SLCO5A1: variants seen among roughly 807,000 people sequenced by gnomAD.
SLCO5A1 encodes solute carrier organic anion transporter family member 5A1.
SLCO5A1 carries 39 observed loss-of-function variants against 65.1 expected under a neutral mutation model. That is an observed-to-expected ratio of 0.60 (90% CI 0.46 to 0.78). SLCO5A1 has a LOEUF of 0.78. Among genes scored for constraint, SLCO5A1 ranks in the 30% least tolerant of loss-of-function variants. The probability of loss-of-function intolerance (pLI) is 0.00; values close to 1 mark genes in which losing one functional copy is unlikely to be tolerated. For synonymous variants in SLCO5A1, 438 were observed against 415.7 expected, an observed-to-expected ratio of 1.05 and a Z score of -0.65; for missense variants, 1,029 against 1,069.4, an observed-to-expected ratio of 0.96 and a Z score of 0.53.
At chr8:69,758,469 C>T (rs917393366) in intron 3 of SLCO5A1, among the ~76,000 whole-genome samples, 12 of 152,060 alleles carry the variant, frequency 7.9e-5, no homozygotes, top group Admixed American at 2.6e-4. Context: ...CGTGAGCCAC[C>T]GCACCCGGCA....
intron 3 of SLCO5A1, among the ~76,000 whole-genome samples, chr8:69,759,677 G>A (rs548245511): frequency 7.9e-5 from 12 of 152,106 alleles, no homozygotes; most frequent in East Asian, 3.9e-4. Context: ...ATAGAGTCTC[G>A]CTCTGTCACT....
intron 2 of SLCO5A1, among the ~76,000 whole-genome samples, chr8:69,784,104 A>G (rs958844546): frequency 1.3e-5 from 2 of 152,230 alleles, no homozygotes; most frequent in African/African-American, 2.4e-5. Flanking sequence ...CACCTAGATT[A>G]AAGTCTATTT....
At chr8:69,689,006 C>T (rs1586685238) in intron 6 of SLCO5A1, among the ~76,000 whole-genome samples, 1 of 149,040 alleles carries the variant, frequency 6.7e-6, no homozygotes, top group South Asian at 2.2e-4. Context: ...CCTGTTGTTT[C>T]CTGACTTTTT....
chr8:69,667,068 C>T lies in SLCO5A1; in HGVS notation c.*5801G>A, dbSNP rs540995429. ...TCATTTCAGTCCAACACACTTTATTCATTTTTAACTTTTTTCTTAATTTTC... is the reference window on the plus strand; with the variant it reads ...TCATTTCAGTCCAACACACTTTATTTATTTTTAACTTTTTTCTTAATTTTC... On this transcript the variant is annotated 3_prime_UTR_variant, in exon 10 of 10. Coordinates refer to ENST00000260126, the MANE Select transcript of SLCO5A1 (RefSeq NM_030958.3). The T allele has an allele frequency of 6.6e-6, 1 of 152,276 alleles. No homozygotes were observed. The highest frequency in any genetic ancestry group is 2.1e-4 in the South Asian group (1 of 4,820). 9.4% of individuals were successfully genotyped at this position (152,276 alleles called of 1,614,324 possible). A position where few individuals can be genotyped will look rare whatever the true frequency, so the allele number is the denominator to read the frequency against.
At chr8:69,709,988 C>G (rs1407236616) in intron 5 of SLCO5A1, among the ~76,000 whole-genome samples, 1 of 150,432 alleles carries the variant, frequency 6.6e-6, no homozygotes, top group Non-Finnish European at 1.5e-5. Context: ...ATCCTGTAAT[C>G]CTCACCAGAG....
intron 2 of SLCO5A1, among the ~76,000 whole-genome samples, chr8:69,763,792 G>A (rs1221920801): frequency 2.0e-5 from 3 of 151,760 alleles, no homozygotes; most frequent in Non-Finnish European, 4.4e-5. Context: ...GGAATTCCTT[G>A]AGAATCATAG....
chr8:69,766,550 T>C (rs1336024778), intron 2 of SLCO5A1, among the ~76,000 whole-genome samples: 1 of 152,126 alleles, frequency 6.6e-6, no homozygotes, highest in East Asian at 1.9e-4. Context: ...CATGTGTGTG[T>C]TTTGAATGCT....
chr8:69,825,768 G>A (rs1820860337), intron 2 of SLCO5A1, among the ~76,000 whole-genome samples: 1 of 151,878 alleles, frequency 6.6e-6, no homozygotes, highest in Non-Finnish European at 1.5e-5. Flanking sequence ...TCACAGAATT[G>A]GAAAAAACTA....
At chr8:69,783,995 G>A (rs1586795536) in intron 2 of SLCO5A1, among the ~76,000 whole-genome samples, 1 of 152,178 alleles carries the variant, frequency 6.6e-6, no homozygotes. Context: ...ATGCATGTGT[G>A]AGGCAGGGAA....
chr8:69,737,319 A>AT (rs1474884171), intron 5 of SLCO5A1, among the ~76,000 whole-genome samples: 1 of 152,242 alleles, frequency 6.6e-6, no homozygotes, highest in Non-Finnish European at 1.5e-5. Context: ...AACTACTGAA[A>AT]TATACCTTAT....
chr8:69,817,814 T>G (rs1458563871), intron 2 of SLCO5A1, among the ~76,000 whole-genome samples: 1 of 152,214 alleles, frequency 6.6e-6, no homozygotes, highest in African/African-American at 2.4e-5. Context: ...TACATTTGTC[T>G]GTCACCAAAC....
chr8:69,828,596 G>T (rs1353351223), intron 2 of SLCO5A1, among the ~76,000 whole-genome samples: 1 of 149,760 alleles, frequency 6.7e-6, no homozygotes, highest in East Asian at 1.9e-4. Flanking sequence ...AGCGAGACTC[G>T]TCTCAAAAAA....
chr8:69,727,724 T>C (rs1816147169), intron 5 of SLCO5A1, among the ~76,000 whole-genome samples: 1 of 152,248 alleles, frequency 6.6e-6, no homozygotes, highest in Non-Finnish European at 1.5e-5. Flanking sequence ...CCAAAAGCTG[T>C]ATAGGCTTTT....
chr8:69,757,102 T>G (rs1817570575), intron 3 of SLCO5A1, among the ~76,000 whole-genome samples: 1 of 152,248 alleles, frequency 6.6e-6, no homozygotes, highest in African/African-American at 2.4e-5. Context: ...TGTTATCAGC[T>G]GCTAAAGGTC....
At chr8:69,740,851 A>C (rs1816761552) in intron 4 of SLCO5A1, among the ~76,000 whole-genome samples, 1 of 152,238 alleles carries the variant, frequency 6.6e-6, no homozygotes, top group Admixed American at 6.5e-5. Flanking sequence ...TAGATGCTAA[A>C]CCAGTAAGCA....
intron 5 of SLCO5A1, among the ~76,000 whole-genome samples, chr8:69,720,236 A>G (rs1178124017): frequency 6.6e-6 from 1 of 152,244 alleles, no homozygotes; most frequent in Non-Finnish European, 1.5e-5. Context: ...TTAAAATTTA[A>G]CCCCAAAGAT....
chr8:69,802,519 C>T (rs1263259715), intron 2 of SLCO5A1, among the ~76,000 whole-genome samples: 6 of 113,036 alleles, frequency 5.3e-5, no homozygotes, highest in Non-Finnish European at 9.6e-5. Flanking sequence ...CAAAAAAACA[C>T]TAAAAAAAAA....
intron 8 of SLCO5A1, among the ~76,000 whole-genome samples, chr8:69,679,069 T>C (rs908102451): frequency 1.3e-5 from 2 of 152,160 alleles, no homozygotes; most frequent in East Asian, 3.8e-4. Context: ...GACTTTCAAC[T>C]CCTGAAGTTG....
At chr8:69,742,641 T>G (rs920576657) in intron 4 of SLCO5A1, among the ~76,000 whole-genome samples, 21 of 152,140 alleles carry the variant, frequency 1.4e-4, no homozygotes, top group African/African-American at 5.1e-4. Context: ...GATGACAGTA[T>G]AGGCGGCCCC....
Sources: gnomAD v4.1 joint callset for allele counts (sites outside exome capture counted in the v4.1 genomes callset) on GRCh38, gnomAD v4.1.1 for gene constraint, MANE v1.5 for transcripts, NCBI Gene and HGNC (gene_info 2026-07-23, HGNC 2026-07-21) for gene names.